The following OXSR1 variants were observed in gnomAD, a reference collection of about 807,000 sequenced individuals.
The protein encoded by OXSR1 is oxidative stress responsive kinase 1, also known as serine/threonine-protein kinase OSR1.
In OXSR1, 24 loss-of-function variants were observed where a neutral mutation model predicts 79.8. The observed-to-expected ratio is 0.30, with a 90% confidence interval of 0.22 to 0.42. OXSR1 has a LOEUF of 0.42. Among genes scored for constraint, OXSR1 ranks in the 10% least tolerant of loss-of-function variants. The probability of loss-of-function intolerance (pLI) is 1.00; values close to 1 mark genes in which losing one functional copy is unlikely to be tolerated. For synonymous variants in OXSR1, 226 were observed against 209.2 expected, an observed-to-expected ratio of 1.08 and a Z score of -0.69; for missense variants, 430 against 618.4, an observed-to-expected ratio of 0.70 and a Z score of 3.23.
At chr3:38,187,634 C>A (rs924824441) in intron 2 of OXSR1, among the ~76,000 whole-genome samples, 2 of 152,068 alleles carry the variant, frequency 1.3e-5, no homozygotes, top group African/African-American at 4.8e-5. Flanking sequence ...CTTCAGAAAG[C>A]TTGAGGTGGA....
At chr3:38,251,270 C>T (rs549944900) in intron 15 of OXSR1, 133 bp from the exon 16 acceptor site, 35 of 712,210 alleles carry the variant, frequency 4.9e-5, no homozygotes, top group African/African-American at 2.3e-4. Context: ...AAGGCCCTGC[C>T]TGCCTTCTTG....
upstream of OXSR1, among the ~76,000 whole-genome samples, chr3:38,164,230 T>C (rs929560340): frequency 6.6e-6 from 1 of 152,094 alleles, no homozygotes; most frequent in East Asian, 1.9e-4. Flanking sequence ...AGTGGCATGC[T>C]CTCGGGTCAC....
At chr3:38,239,865 G>A (rs1005441387) in intron 11 of OXSR1, among the ~76,000 whole-genome samples, 1 of 152,150 alleles carries the variant, frequency 6.6e-6, no homozygotes, top group African/African-American at 2.4e-5. Context: ...CTGTGCCACA[G>A]CTTGGAAGCT....
rs747431809 is a variant in OXSR1 at position 38,198,882 on chromosome 3, T to C, written c.434+19T>C. On this transcript the variant is annotated intron_variant, in intron 4 of 17. Coordinates refer to ENST00000311806, the MANE Select transcript of OXSR1 (RefSeq NM_005109.3). ...TCCACAGGTATGTAAAAGACAATAC[T>C]CTTGTGTTACATCATCTCATTAAGG... 1 of 1,605,478 alleles carries C rather than the reference T, an allele frequency of 6.2e-7. No individual in the cohort carries two copies. The highest frequency in any genetic ancestry group is 1.1e-5 in the South Asian group (1 of 90,544).
rs180672788 is a variant in OXSR1, at chr3:38,180,662, C to T, written c.71-2341C>T. ...TCTCCCACCTCAGCCTCCCAAGTAG[C>T]TAGGACTATAAGTGCACACCACCAC... On this transcript the variant is annotated intron_variant, in intron 1 of 17. Coordinates refer to ENST00000311806, the MANE Select transcript of OXSR1 (RefSeq NM_005109.3). Among the ~76,000 whole-genome samples, 299 of 151,500 alleles carry T rather than the reference C, an allele frequency of 2.0e-3. 1 individual carries two copies. Among genetic ancestry groups the T allele is most frequent in the African/African-American group, 7.1e-3 (292 of 41,220 alleles).
At chr3:38,252,281 T>C (rs1170300638) in intron 16 of OXSR1, 47 bp from the exon 17 acceptor site, 1 of 1,289,112 alleles carries the variant, frequency 7.8e-7, no homozygotes, top group Non-Finnish European at 1.1e-6. Flanking sequence ...TGAAAGTGGA[T>C]TTATGTAACT....
At chr3:38,239,240 G>A (rs1292811967) in intron 11 of OXSR1, among the ~76,000 whole-genome samples, 1 of 151,764 alleles carries the variant, frequency 6.6e-6, no homozygotes, top group African/African-American at 2.4e-5. Flanking sequence ...GTTTTGTTTT[G>A]TTAGTTATTC....
intron 1 of OXSR1, among the ~76,000 whole-genome samples, chr3:38,179,822 T>TC (rs1223547545): frequency 8.7e-5 from 13 of 149,998 alleles, no homozygotes; most frequent in Non-Finnish European, 1.8e-4. Flanking sequence ...TTTTTTTTTT[T>TC]CCCCAAAATA....
At chr3:38,221,935 T>C (rs1702598382) in intron 6 of OXSR1, among the ~76,000 whole-genome samples, 1 of 152,230 alleles carries the variant, frequency 6.6e-6, no homozygotes, top group Non-Finnish European at 1.5e-5. Context: ...TAGTACAAAT[T>C]ATACCAAATT....
Position 38,165,768 on chromosome 3 carries a change from T to G in OXSR1, c.-109T>G. ...CCCGTGGCTGTTCCGAGACGATTGG[T>G]GGGGGCGCGGCGGCGGCGGCGGCGG... On this transcript the variant is annotated 5_prime_UTR_variant, in exon 1 of 18. Transcript: ENST00000311806. 1 of 980,644 alleles carries G rather than the reference T, an allele frequency of 1.0e-6. No individual in the cohort carries two copies. Among genetic ancestry groups the G allele is most frequent in the Non-Finnish European group, 1.5e-6 (1 of 646,122 alleles). The allele number at this position is 980,644 out of a possible 1,614,324, so 60.7% of individuals were successfully genotyped here.
Position 38,254,323 on chromosome 3 carries a change from C to T in OXSR1, c.*1432C>T. 1 of 398,028 alleles carries T rather than the reference C, an allele frequency of 2.5e-6. No homozygotes were observed. Among genetic ancestry groups the T allele is most frequent in the African/African-American group, 2.1e-5 (1 of 48,730 alleles). 24.7% of individuals were successfully genotyped at this position (398,028 alleles called of 1,614,324 possible). A position where few individuals can be genotyped will look rare whatever the true frequency, so the allele number is the denominator to read the frequency against. On this transcript the variant is annotated 3_prime_UTR_variant, in exon 18 of 18. Transcript: ENST00000311806. ...ATCTGAAAACCTTCCCCACAAATAA[C>T]TTGTCACACCTTTTGTTTCATTCTG...
At chr3:38,246,903 G>A (rs931486986) in intron 13 of OXSR1, among the ~76,000 whole-genome samples, 2 of 151,788 alleles carry the variant, frequency 1.3e-5, no homozygotes, top group African/African-American at 2.4e-5. Context: ...TTAAATATTA[G>A]AAGTTCCATT....
chr3:38,180,225 G>T (rs1156525384), intron 1 of OXSR1, among the ~76,000 whole-genome samples: 2 of 152,318 alleles, frequency 1.3e-5, no homozygotes, highest in African/African-American at 4.8e-5. Flanking sequence ...TTACAGGCGT[G>T]AAACACTGTT....
At chr3:38,243,946 C>CT (rs935681743) in intron 12 of OXSR1, among the ~76,000 whole-genome samples, 2 of 152,184 alleles carry the variant, frequency 1.3e-5, no homozygotes, top group African/African-American at 4.8e-5. Context: ...CATGATTCCC[C>CT]TTGTCTCCTT....
At chr3:38,172,828 G>A (rs1055676065) in intron 1 of OXSR1, among the ~76,000 whole-genome samples, 1 of 152,180 alleles carries the variant, frequency 6.6e-6, no homozygotes, top group Non-Finnish European at 1.5e-5. Context: ...AAATAATAGT[G>A]GCTTAATAAA....
At chr3:38,164,144 G>A (rs867573879), upstream of OXSR1, among the ~76,000 whole-genome samples, 2 of 152,194 alleles carry the variant, frequency 1.3e-5, no homozygotes, top group Middle Eastern at 3.4e-3. Flanking sequence ...TCCCTGCTCC[G>A]TCTCAGCTGG....
intron 1 of OXSR1, among the ~76,000 whole-genome samples, chr3:38,181,466 G>A (rs549554917): frequency 6.7e-6 from 1 of 148,672 alleles, no homozygotes; most frequent in African/African-American, 2.5e-5. Context: ...AGTCATTCTC[G>A]TGCCTCAGCC....
chr3:38,225,236 A>G (rs899771838), intron 8 of OXSR1, among the ~76,000 whole-genome samples: 19 of 152,264 alleles, frequency 1.2e-4, no homozygotes, highest in South Asian at 1.0e-3. Flanking sequence ...GCAGAATCGT[A>G]GAATGTTGGG....
At chr3:38,224,513 C>T (rs1702650911) in intron 7 of OXSR1, 58 bp from the exon 8 acceptor site, 5 of 1,403,466 alleles carry the variant, frequency 3.6e-6, no homozygotes, top group Admixed American at 2.5e-5. Context: ...ATCTTGACCA[C>T]AATAGTTAAA....
Sources: allele counts gnomAD v4.1 joint callset (sites outside exome capture counted in the v4.1 genomes callset), GRCh38; gene constraint gnomAD v4.1.1; transcripts MANE v1.5; gene names NCBI Gene and HGNC (gene_info 2026-07-23, HGNC 2026-07-21).